SRBD1: variants seen among roughly 807,000 people sequenced by gnomAD.
SRBD1 encodes the protein S1 RNA binding domain 1, also known as S1 RNA-binding domain-containing protein 1.
A neutral mutation model predicts 115.3 loss-of-function variants in SRBD1; 88 were observed. The observed-to-expected ratio is 0.76, with a 90% CI of 0.64 to 0.91. The LOEUF (loss-of-function observed/expected upper bound fraction) is 0.91, where lower values mean the gene tolerates loss of function less well. SRBD1 is among the 40% of genes least tolerant of loss of function. SRBD1 has a pLI of 0.00. For missense variants in SRBD1, 1,385 were observed against 1,177.4 expected (o/e 1.18, Z -2.58); for synonymous variants, 509 against 407.7 (o/e 1.25, Z -2.99).
chr2:45,508,923 A>C (rs962184465), intron 14 of SRBD1, among the ~76,000 whole-genome samples: 3 of 152,198 alleles, frequency 2.0e-5, no homozygotes, highest in African/African-American at 7.2e-5. Flanking sequence ...TGAGAGAAGA[A>C]AAAAGGAAGA....
chr2:45,473,263 A>G (rs1181097931), intron 16 of SRBD1, among the ~76,000 whole-genome samples: 1 of 152,124 alleles, frequency 6.6e-6, no homozygotes, highest in Non-Finnish European at 1.5e-5. Flanking sequence ...GTTAATTTAT[A>G]TCTGAATCTT....
chr2:45,604,520 C>T (rs1179107843), intron 2 of SRBD1, among the ~76,000 whole-genome samples: 4 of 152,114 alleles, frequency 2.6e-5, no homozygotes, highest in Non-Finnish European at 5.9e-5. Context: ...TCATTACAAT[C>T]TCATTTCTTA....
chr2:45,461,404 T>C (rs570086142), intron 16 of SRBD1, among the ~76,000 whole-genome samples: 14 of 152,240 alleles, frequency 9.2e-5, no homozygotes, highest in Non-Finnish European at 5.9e-5. Context: ...CTGTTTTCAC[T>C]CTCTCTCTAG....
chr2:45,487,942 G>A (rs1384930702), intron 15 of SRBD1, among the ~76,000 whole-genome samples: 2 of 152,056 alleles, frequency 1.3e-5, no homozygotes, highest in African/African-American at 2.4e-5. Context: ...TTGAGCCACC[G>A]CACCCGGCCT....
intron 14 of SRBD1, among the ~76,000 whole-genome samples, chr2:45,509,906 T>TA (rs1393842741): frequency 1.3e-5 from 2 of 152,092 alleles, no homozygotes; most frequent in Admixed American, 1.3e-4. Context: ...ATCTAATTTT[T>TA]AAATATTCAG....
intron 4 of SRBD1, among the ~76,000 whole-genome samples, chr2:45,591,283 T>G (rs781687791): frequency 3.9e-4 from 59 of 152,184 alleles, no homozygotes; most frequent in African/African-American, 1.4e-3. Context: ...ACCCAGGAAC[T>G]GACTCAGCAG....
chr2:45,492,676 T>C (rs1290635662), intron 14 of SRBD1, among the ~76,000 whole-genome samples: 2 of 152,110 alleles, frequency 1.3e-5, no homozygotes, highest in Non-Finnish European at 2.9e-5. Flanking sequence ...CCTGACCTCG[T>C]GATCCGCCTG....
chr2:45,481,981 G>A (rs193261329), intron 15 of SRBD1, among the ~76,000 whole-genome samples: 101 of 152,266 alleles, frequency 6.6e-4, no homozygotes, highest in Non-Finnish European at 1.2e-3. Context: ...AGTAAAGGAA[G>A]TGATTGCTAA....
rs758050697 is a variant in SRBD1 at position 45,562,642 on chromosome 2, T to C, written c.1409+11A>G. 5.0e-5 allele frequency: 79 copies of C among 1,583,138 alleles called. No homozygotes were observed. Among genetic ancestry groups the C allele is most frequent in the Admixed American group, 3.8e-5 (2 of 52,916 alleles). On this transcript the variant is annotated intron_variant, in intron 10 of 20. Coordinates refer to ENST00000263736, the MANE Select transcript of SRBD1 (RefSeq NM_018079.5). The stretch of plus-strand genomic sequence containing the variant: ...AAACAAAGAAAATTCTGTAAATATC[T>C]GTAAACAGACCTGTTTTGGATGCAC...
At chr2:45,491,978 T>C (rs1249370941) in intron 14 of SRBD1, among the ~76,000 whole-genome samples, 1 of 151,958 alleles carries the variant, frequency 6.6e-6, no homozygotes, top group Non-Finnish European at 1.5e-5. Flanking sequence ...CCCACCATCA[T>C]GCCCAGCTAA....
intron 14 of SRBD1, among the ~76,000 whole-genome samples, chr2:45,521,173 C>T (rs1354733342): frequency 1.3e-5 from 2 of 152,078 alleles, no homozygotes; most frequent in East Asian, 3.9e-4. Context: ...TCTCCCGTTC[C>T]AAATCCACTA....
chr2:45,444,962 A>G (rs1212691524), intron 16 of SRBD1, among the ~76,000 whole-genome samples: 1 of 152,224 alleles, frequency 6.6e-6, no homozygotes, highest in African/African-American at 2.4e-5. Context: ...GAACATAAAA[A>G]GTAGAGGGCA....
chr2:45,604,384 A>AGGG (rs1448062282), intron 2 of SRBD1, among the ~76,000 whole-genome samples: 1 of 42,290 alleles, frequency 2.4e-5, no homozygotes, highest in African/African-American at 1.6e-4. Context: ...GGAGAGGGGA[A>AGGG]GGGGGGTGGA....
chr2:45,434,201 T>A (rs952106254), intron 16 of SRBD1, among the ~76,000 whole-genome samples: 6 of 152,248 alleles, frequency 3.9e-5, no homozygotes, highest in African/African-American at 1.4e-4. Flanking sequence ...ATTGTCTTAT[T>A]TGTTCTGCAC....
At chr2:45,551,581 G>A (rs1478816473) in intron 11 of SRBD1, among the ~76,000 whole-genome samples, 2 of 152,158 alleles carry the variant, frequency 1.3e-5, no homozygotes, top group East Asian at 3.8e-4. Flanking sequence ...GAGAAAGACA[G>A]AGAGTGTACG....
At chr2:45,480,011 T>C (rs1350053154) in intron 15 of SRBD1, among the ~76,000 whole-genome samples, 2 of 152,164 alleles carry the variant, frequency 1.3e-5, no homozygotes, top group East Asian at 3.9e-4. Flanking sequence ...CAACAAAGCC[T>C]GCACGATGGC....
intron 14 of SRBD1, among the ~76,000 whole-genome samples, chr2:45,540,547 T>C (rs1671901816): frequency 6.6e-6 from 1 of 151,882 alleles, no homozygotes; most frequent in African/African-American, 2.4e-5. Flanking sequence ...AAACTAAAAT[T>C]TTTGCCATTC....
chr2:45,404,755 A>G (rs1470826781), intron 19 of SRBD1, among the ~76,000 whole-genome samples: 1 of 152,102 alleles, frequency 6.6e-6, no homozygotes, highest in Non-Finnish European at 1.5e-5. Context: ...ATCAGATCAT[A>G]TCACTCTTTC....
At chr2:45,539,041 A>T (rs1474154699) in intron 14 of SRBD1, among the ~76,000 whole-genome samples, 1 of 152,162 alleles carries the variant, frequency 6.6e-6, no homozygotes, top group South Asian at 2.1e-4. Context: ...AATTTAGATG[A>T]TTGAAAAGAT....
Sources: gnomAD v4.1 joint callset for allele counts (sites outside exome capture counted in the v4.1 genomes callset) on GRCh38, gnomAD v4.1.1 for gene constraint, MANE v1.5 for transcripts, NCBI Gene and HGNC (gene_info 2026-07-23, HGNC 2026-07-21) for gene names.